Variants in NFIA observed in about 807,000 individuals in gnomAD.
The protein encoded by NFIA is nuclear factor 1 A-type.
A neutral mutation model predicts 62.8 loss-of-function variants in NFIA; 8 were observed. The ratio of observed to expected loss-of-function variants is 0.13; its 90% CI spans 0.07 to 0.23. The LOEUF is 0.23. Among genes scored for constraint, NFIA ranks in the 10% least tolerant of loss-of-function variants. NFIA has a pLI of 1.00. For missense variants in NFIA, 410 were observed against 642.1 expected (o/e 0.64, Z 3.91); for synonymous variants, 235 against 238.1 (o/e 0.99, Z 0.12).
At chr1:61,388,976 T>G (rs1664835324) in intron 7 of NFIA, among the ~76,000 whole-genome samples, 1 of 151,956 alleles carries the variant, frequency 6.6e-6, no homozygotes, top group Admixed American at 6.6e-5. Flanking sequence ...TAGGAGAGCA[T>G]AGTGGTAGAG....
At chr1:61,343,078 G>A (rs2100413948) in intron 4 of NFIA, among the ~76,000 whole-genome samples, 1 of 152,258 alleles carries the variant, frequency 6.6e-6, no homozygotes, top group South Asian at 2.1e-4. Context: ...GTTCAACTCA[G>A]TAAACATTTG....
chr1:61,163,434 T>C (rs1187686029), intron 2 of NFIA, among the ~76,000 whole-genome samples: 1 of 152,188 alleles, frequency 6.6e-6, no homozygotes, highest in East Asian at 1.9e-4. Context: ...CCTACCTAAT[T>C]GGTTTTTTTT....
chr1:61,325,754 T>C (rs917916004), intron 3 of NFIA, among the ~76,000 whole-genome samples: 1 of 151,788 alleles, frequency 6.6e-6, no homozygotes, highest in African/African-American at 2.4e-5. Context: ...CCATCTCTAC[T>C]AAAAATACAA....
intron 10 of NFIA, among the ~76,000 whole-genome samples, chr1:61,435,996 T>C (rs1557437271): frequency 6.6e-6 from 1 of 152,176 alleles, no homozygotes; most frequent in Non-Finnish European, 1.5e-5. Flanking sequence ...AGAGGTCATT[T>C]CTTTTCAGCC....
intron 2 of NFIA, among the ~76,000 whole-genome samples, chr1:61,195,032 C>CCTTT (rs750546593): frequency 1.5e-4 from 23 of 149,786 alleles, no homozygotes; most frequent in Admixed American, 4.0e-4. Context: ...ATTCTGTGAA[C>CCTTT]CTTTGCTTCT....
chr1:61,216,685 G>A (rs1653645493), intron 2 of NFIA, among the ~76,000 whole-genome samples: 1 of 152,244 alleles, frequency 6.6e-6, no homozygotes, highest in African/African-American at 2.4e-5. Context: ...TTGTTTAACT[G>A]TCTGTGTATG....
Position 61,178,368 on chromosome 1 carries a change from C to T in NFIA, c.559+89688C>T, listed in dbSNP as rs116999492. Reference sequence around the variant, plus strand: ...CCAAATCATATTGACATACTTTTGGCTTCCATATTAGTGATAAGGATGAAT... The same window carrying T: ...CCAAATCATATTGACATACTTTTGGTTTCCATATTAGTGATAAGGATGAAT... On this transcript the variant is annotated intron_variant, in intron 2 of 10. Transcript: ENST00000403491. Among the ~76,000 whole-genome samples, 279 of 152,242 alleles carry T rather than the reference C, an allele frequency of 1.8e-3. 6 individuals carry two copies. The East Asian group carries it at 0.041, about 22-fold the overall frequency.
At chr1:61,084,589 T>A (rs750877205) in intron 1 of NFIA, among the ~76,000 whole-genome samples, 1 of 152,194 alleles carries the variant, frequency 6.6e-6, no homozygotes, top group Non-Finnish European at 1.5e-5. Context: ...GTGAAAATGC[T>A]GAGATTCGAA....
At chr1:61,250,066 T>C (rs1286305457) in intron 2 of NFIA, 2 of 152,308 alleles carry the variant, frequency 1.3e-5, no homozygotes, top group South Asian at 2.1e-4. Flanking sequence ...TCCATAAATT[T>C]TTCCCCAAAG....
At chr1:61,136,529 C>T (rs1647193334) in intron 2 of NFIA, among the ~76,000 whole-genome samples, 1 of 152,172 alleles carries the variant, frequency 6.6e-6, no homozygotes, top group Non-Finnish European at 1.5e-5. Context: ...TGGAGCCTTT[C>T]TAACGCCTAT....
chr1:61,238,450 T>C (rs1035289483), intron 2 of NFIA, among the ~76,000 whole-genome samples: 1 of 152,208 alleles, frequency 6.6e-6, no homozygotes, highest in African/African-American at 2.4e-5. Context: ...TTATATGTTT[T>C]AGTTTTGCAG....
intron 3 of NFIA, among the ~76,000 whole-genome samples, chr1:61,304,805 C>T (rs1446114426): frequency 6.6e-6 from 1 of 152,158 alleles, no homozygotes; most frequent in Admixed American, 6.5e-5. Context: ...CGTGGCACCA[C>T]CTTTTCCTCC....
chr1:61,451,826 G>C (rs779219397), intron 10 of NFIA, among the ~76,000 whole-genome samples: 1 of 152,206 alleles, frequency 6.6e-6, no homozygotes, highest in South Asian at 2.1e-4. Context: ...CAGTAGGGTA[G>C]ATTAAGGGGC....
At chr1:61,216,914 C>T (rs1653662518) in intron 2 of NFIA, among the ~76,000 whole-genome samples, 1 of 151,588 alleles carries the variant, frequency 6.6e-6, no homozygotes, top group Non-Finnish European at 1.5e-5. Flanking sequence ...GCAGGAGAAT[C>T]GCTTGAACCT....
chr1:61,202,195 A>G (rs1652548758), intron 2 of NFIA, among the ~76,000 whole-genome samples: 1 of 152,188 alleles, frequency 6.6e-6, no homozygotes, highest in African/African-American at 2.4e-5. Flanking sequence ...ATCTCCCTAT[A>G]GTGTAATTAT....
At chr1:61,232,647 G>A (rs1373356968) in intron 2 of NFIA, among the ~76,000 whole-genome samples, 1 of 152,098 alleles carries the variant, frequency 6.6e-6, no homozygotes, top group Non-Finnish European at 1.5e-5. Flanking sequence ...TCCATTAATT[G>A]TGGCAAAAAT....
At chr1:61,268,686 A>C (rs1447829375) in intron 2 of NFIA, among the ~76,000 whole-genome samples, 1 of 152,214 alleles carries the variant, frequency 6.6e-6, no homozygotes, top group Non-Finnish European at 1.5e-5. Flanking sequence ...CTGAGGGGTG[A>C]GAGAATTAAA....
chr1:61,103,808 C>G (rs1352170856), intron 2 of NFIA, among the ~76,000 whole-genome samples: 1 of 152,150 alleles, frequency 6.6e-6, no homozygotes, highest in Non-Finnish European at 1.5e-5. Context: ...CAATGGATTT[C>G]TATTTCTTCA....
intron 7 of NFIA, among the ~76,000 whole-genome samples, chr1:61,398,132 A>G (rs1404592944): frequency 6.6e-6 from 1 of 152,208 alleles, no homozygotes; most frequent in African/African-American, 2.4e-5. Flanking sequence ...ATAAACTTTT[A>G]TTGGAACACA....
Sources: allele counts gnomAD v4.1 joint callset (sites outside exome capture counted in the v4.1 genomes callset), GRCh38; gene constraint gnomAD v4.1.1; transcripts MANE v1.5; gene names NCBI Gene and HGNC (gene_info 2026-07-23, HGNC 2026-07-21).